DPYD: variants seen among roughly 807,000 people sequenced by gnomAD.
DPYD encodes dihydropyrimidine dehydrogenase [NADP(+)].
In DPYD, 109 loss-of-function variants were observed where a neutral mutation model predicts 116.2. The observed-to-expected ratio is 0.94, with a 90% CI of 0.80 to 1.10. The LOEUF (loss-of-function observed/expected upper bound fraction) is 1.10. DPYD is among the 50% of genes least tolerant of loss of function. The probability of loss-of-function intolerance (pLI) is 0.00; values close to 1 mark genes in which losing one functional copy is unlikely to be tolerated. For synonymous variants in DPYD, 440 were observed against 432.0 expected (o/e 1.02, Z -0.23); for missense variants, 1,302 against 1,254.5 (o/e 1.04, Z -0.57).
intron 14 of DPYD, among the ~76,000 whole-genome samples, chr1:97,387,763 T>C (rs143273633): frequency 5.3e-5 from 8 of 152,166 alleles, no homozygotes; most frequent in Admixed American, 1.3e-4. Context: ...GAGCATGGTA[T>C]GTTCAAGGGG....
At chr1:97,173,215 C>T (rs972187061) in intron 20 of DPYD, among the ~76,000 whole-genome samples, 38 of 134,938 alleles carry the variant, frequency 2.8e-4, no homozygotes, top group Non-Finnish European at 4.8e-4. Flanking sequence ...CATATATACA[C>T]ATATACGTAC....
At chr1:97,225,023 A>G (rs556958070) in intron 19 of DPYD, among the ~76,000 whole-genome samples, 35 of 149,886 alleles carry the variant, frequency 2.3e-4, no homozygotes, top group Non-Finnish European at 4.7e-4. Flanking sequence ...CTATCTATCT[A>G]TCTATCTATC....
chr1:97,276,711 T>C (rs1009285853), intron 18 of DPYD, among the ~76,000 whole-genome samples: 2 of 146,690 alleles, frequency 1.4e-5, no homozygotes, highest in African/African-American at 5.0e-5. Flanking sequence ...AAACAACAGA[T>C]ACTGGTGAGG....
chr1:97,554,570 G>A (rs1285446620), intron 11 of DPYD, among the ~76,000 whole-genome samples: 1 of 152,104 alleles, frequency 6.6e-6, no homozygotes, highest in Non-Finnish European at 1.5e-5. Context: ...TGCTGAGGCA[G>A]TAATCTCAGT....
intron 19 of DPYD, among the ~76,000 whole-genome samples, chr1:97,234,248 A>G (rs1661761998): frequency 6.6e-6 from 1 of 152,164 alleles, no homozygotes. Context: ...TTTAAAAAGT[A>G]TATGAATACT....
intron 11 of DPYD, among the ~76,000 whole-genome samples, chr1:97,572,079 A>T (rs928848968): frequency 1.3e-5 from 2 of 151,952 alleles, no homozygotes; most frequent in African/African-American, 4.8e-5. Flanking sequence ...TATTATTTCA[A>T]ACCAGAAGAG....
chr1:97,738,034 T>G (rs940002913), intron 4 of DPYD, among the ~76,000 whole-genome samples: 1 of 152,120 alleles, frequency 6.6e-6, no homozygotes, highest in Non-Finnish European at 1.5e-5. Context: ...TATAAACACA[T>G]GCAAAATCAT....
intron 7 of DPYD, among the ~76,000 whole-genome samples, chr1:97,689,062 A>G (rs1660879581): frequency 6.6e-6 from 1 of 151,390 alleles, no homozygotes; most frequent in African/African-American, 2.4e-5. Flanking sequence ...TCCATGTATT[A>G]TACCTCTTTT....
chr1:97,396,797 G>T (rs897037495), intron 14 of DPYD, among the ~76,000 whole-genome samples: 21 of 152,020 alleles, frequency 1.4e-4, no homozygotes, highest in African/African-American at 4.6e-4. Flanking sequence ...TGCCATCCTA[G>T]ACGTCTGACT....
chr1:97,694,701 A>C (rs1183139109), intron 6 of DPYD, among the ~76,000 whole-genome samples: 6 of 152,206 alleles, frequency 3.9e-5, no homozygotes, highest in Non-Finnish European at 5.9e-5. Context: ...GCCCAGATGC[A>C]GGCAGTAAAG....
intron 14 of DPYD, among the ~76,000 whole-genome samples, chr1:97,411,425 A>G (rs935302600): frequency 2.6e-5 from 4 of 152,096 alleles, no homozygotes; most frequent in African/African-American, 9.7e-5. Flanking sequence ...ATCTTTCTGT[A>G]CAAGAAGGTA....
intron 20 of DPYD, among the ~76,000 whole-genome samples, chr1:97,173,521 T>C (rs962656987): frequency 1.3e-5 from 2 of 150,766 alleles, no homozygotes; most frequent in African/African-American, 4.9e-5. Context: ...ACAAAAGGTA[T>C]ATACAATTAT....
intron 14 of DPYD, among the ~76,000 whole-genome samples, chr1:97,385,715 C>G (rs72728447): frequency 0.19 from 29,135 of 151,926 alleles, 2,966 homozygotes; most frequent in South Asian, 0.37. Flanking sequence ...CAAGAAAAAC[C>G]TTTCTCGTGG....
At chr1:97,846,262 AC>A (rs1008196749) in intron 2 of DPYD, among the ~76,000 whole-genome samples, 8 of 151,778 alleles carry the variant, frequency 5.3e-5, no homozygotes, top group Admixed American at 2.0e-4. Context: ...TTTTCCCCAT[AC>A]CTTGCTCTAT....
At chr1:97,691,486 T>C (rs1661005027) in intron 7 of DPYD, 2 of 449,582 alleles carry the variant, frequency 4.4e-6, no homozygotes, top group Non-Finnish European at 8.1e-6. Flanking sequence ...AGACAATTAA[T>C]CACATGCAGG....
intron 13 of DPYD, among the ~76,000 whole-genome samples, chr1:97,513,270 T>C (rs1320094549): frequency 6.6e-6 from 1 of 151,588 alleles, no homozygotes; most frequent in East Asian, 1.9e-4. Flanking sequence ...GCAAACATAT[T>C]TGCTGCAGAA....
chr1:97,644,271 A>C (rs1351024527), intron 8 of DPYD, among the ~76,000 whole-genome samples: 1 of 152,188 alleles, frequency 6.6e-6, no homozygotes, highest in Non-Finnish European at 1.5e-5. Flanking sequence ...TCCAATGATT[A>C]ATAAAAATAA....
chr1:97,081,582 T>C (rs756670932), intron 22 of DPYD, among the ~76,000 whole-genome samples: 46 of 151,984 alleles, frequency 3.0e-4, no homozygotes, highest in Non-Finnish European at 5.9e-4. Flanking sequence ...AGGTTATAAA[T>C]ATATAGGAAG....
chr1:97,497,132 C>T (rs552345514), intron 13 of DPYD, among the ~76,000 whole-genome samples: 15 of 151,694 alleles, frequency 9.9e-5, no homozygotes, highest in East Asian at 1.9e-4. Context: ...GAGCAGGGAA[C>T]GACAATTGAT....
Sources: allele counts gnomAD v4.1 joint callset (sites outside exome capture counted in the v4.1 genomes callset), GRCh38; gene constraint gnomAD v4.1.1; transcripts MANE v1.5; gene names NCBI Gene and HGNC (gene_info 2026-07-23, HGNC 2026-07-21).